BMPR2: variants seen among roughly 807,000 people sequenced by gnomAD.
BMPR2 encodes bone morphogenetic protein receptor type 2, also known as bone morphogenetic protein receptor type-2.
In BMPR2, 29 loss-of-function variants were observed where a neutral mutation model predicts 100.8. The observed-to-expected ratio is 0.29, with a 90% CI of 0.21 to 0.39. The LOEUF (loss-of-function observed/expected upper bound fraction) is 0.39, where lower values mean the gene tolerates loss of function less well. BMPR2 is among the 10% of genes least tolerant of loss of function. The pLI, the probability that BMPR2 is intolerant of heterozygous loss-of-function variation, is 1.00. For synonymous variants in BMPR2, 382 were observed against 442.3 expected (o/e 0.86, Z 1.71); for missense variants, 1,011 against 1,274.5 (o/e 0.79, Z 3.15).
At chr2:202,514,266 A>T (rs1181860365) in intron 4 of BMPR2, among the ~76,000 whole-genome samples, 2 of 152,086 alleles carry the variant, frequency 1.3e-5, no homozygotes, top group Non-Finnish European at 2.9e-5. Context: ...CCTCCTGAGT[A>T]GCTGGGACTA....
chr2:202,534,395 A>C (rs1688086823), intron 9 of BMPR2, among the ~76,000 whole-genome samples: 1 of 151,804 alleles, frequency 6.6e-6, no homozygotes, highest in Non-Finnish European at 1.5e-5. Flanking sequence ...TCCTAGGCAG[A>C]GGACCCTGCG....
intron 7 of BMPR2, 151 bp from the exon 8 acceptor site, chr2:202,530,643 A>G: frequency 1.6e-6 from 1 of 624,412 alleles, no homozygotes; most frequent in South Asian, 2.0e-5. Context: ...GAAAATAGTG[A>G]TGAGTGTGAG....
At chr2:202,471,236 G>A (rs1215204730) in intron 3 of BMPR2, among the ~76,000 whole-genome samples, 2 of 152,172 alleles carry the variant, frequency 1.3e-5, no homozygotes, top group Non-Finnish European at 2.9e-5. Context: ...ATCATGAGTA[G>A]AATGTCAAGT....
intron 4 of BMPR2, 145 bp from the exon 5 acceptor site, chr2:202,514,743 A>G: frequency 1.5e-6 from 1 of 683,186 alleles, no homozygotes. Context: ...TTTAGTAAAT[A>G]GCTTTACTCC....
intron 3 of BMPR2, among the ~76,000 whole-genome samples, chr2:202,474,395 A>G (rs999030147): frequency 2.0e-5 from 3 of 151,900 alleles, no homozygotes; most frequent in African/African-American, 4.8e-5. Context: ...AGTGAAGCGG[A>G]GGTTGCAGTA....
chr2:202,534,629 G>A (rs530892655), intron 9 of BMPR2, among the ~76,000 whole-genome samples: 1 of 152,332 alleles, frequency 6.6e-6, no homozygotes, highest in East Asian at 1.9e-4. Context: ...TCTTAGTACA[G>A]AACAAAATGG....
intron 1 of BMPR2, among the ~76,000 whole-genome samples, chr2:202,418,987 T>C (rs1156335545): frequency 6.6e-6 from 1 of 152,166 alleles, no homozygotes; most frequent in Non-Finnish European, 1.5e-5. Context: ...TTATCTGTCA[T>C]GTGATGTTAT....
intron 10 of BMPR2, among the ~76,000 whole-genome samples, chr2:202,548,544 T>G (rs1160645705): frequency 2.6e-5 from 4 of 152,224 alleles, no homozygotes; most frequent in Non-Finnish European, 4.4e-5. Flanking sequence ...GTGTTTTCTA[T>G]TCTAGTCTAG....
At chr2:202,451,319 C>CTA (rs1378523345) in intron 1 of BMPR2, among the ~76,000 whole-genome samples, 6 of 152,178 alleles carry the variant, frequency 3.9e-5, no homozygotes, top group African/African-American at 1.4e-4. Context: ...TTCCCCTGAA[C>CTA]TATATGTTGT....
chr2:202,385,803 A>C (rs563019517), intron 1 of BMPR2, among the ~76,000 whole-genome samples: 3 of 151,870 alleles, frequency 2.0e-5, no homozygotes, highest in Non-Finnish European at 4.4e-5. Context: ...ATTGTGTGAT[A>C]TTCCATTGAG....
intron 3 of BMPR2, among the ~76,000 whole-genome samples, chr2:202,497,271 C>CAAGCGGTGAGACAATCGCT (rs1255655590): frequency 6.6e-6 from 1 of 152,258 alleles, no homozygotes; most frequent in Non-Finnish European, 1.5e-5. Context: ...GTCCCATTGC[C>CAAGCGGTGAGACAATCGCT]AAGCGGTGAG....
chr2:202,550,266 G>A (rs1688452402), intron 10 of BMPR2, among the ~76,000 whole-genome samples: 1 of 151,382 alleles, frequency 6.6e-6, no homozygotes. Flanking sequence ...CCAGCTACTC[G>A]CGAGGCTGAG....
At position 202,516,825 on chromosome 2, in the gene BMPR2, A is replaced by G. The variant is rs545962273; in HGVS notation, c.621+1846A>G. ...CCAAACATTGCTGAATTAACTATAT[A>G]TTGATATAACCTTTTTAAAGGACAC... is the stretch of plus-strand genomic sequence containing the variant. On this transcript the variant is annotated intron_variant, in intron 5 of 12. Transcript: ENST00000374580. Among the ~76,000 whole-genome samples the G allele has an allele frequency of 7.9e-5, 12 of 152,322 alleles. No homozygotes were observed. In the South Asian group the frequency reaches 2.5e-3, roughly 32 times the overall value.
At chr2:202,444,810 T>C (rs1191833443) in intron 1 of BMPR2, among the ~76,000 whole-genome samples, 2 of 150,816 alleles carry the variant, frequency 1.3e-5, no homozygotes, top group Non-Finnish European at 2.9e-5. Context: ...TTTTTTGAGA[T>C]GGAGTTTCAC....
At position 202,434,919 on chromosome 2, in the gene BMPR2, ATATATATATATATATATT is replaced by A. The variant is rs1225801891; in HGVS notation, c.77-29886_77-29869del. On this transcript the variant is annotated intron_variant, in intron 1 of 12. Coordinates refer to ENST00000374580, the MANE Select transcript of BMPR2 (RefSeq NM_001204.7). ...AAAAAAAAAAAAAAAATATATATAT[ATATATATATATATATATT>A]TATTTATTTATTTACGTCTATAATC... Among the ~76,000 whole-genome samples the A allele has an allele frequency of 8.5e-4, 98 of 114,724 alleles. 2 individuals are homozygous for A. Among genetic ancestry groups the A allele is most frequent in the South Asian group, 1.5e-3 (5 of 3,350 alleles). 75.3% of individuals were successfully genotyped at this position (114,724 alleles called of 152,430 possible).
At chr2:202,492,490 A>C (rs1011266300) in intron 3 of BMPR2, among the ~76,000 whole-genome samples, 12 of 152,170 alleles carry the variant, frequency 7.9e-5, no homozygotes, top group African/African-American at 2.4e-4. Context: ...ACTTGAGACC[A>C]GGAGTTCGAG....
Position 202,560,029 on chromosome 2 carries a change from CT to C in BMPR2, c.*86del, listed in dbSNP as rs1357636023. The C allele has an allele frequency of 1.3e-6, 2 of 1,549,828 alleles. No homozygotes were observed. Among genetic ancestry groups the C allele is most frequent in the Non-Finnish European group, 1.8e-6 (2 of 1,136,918 alleles). ...ATGTTTAAAAATAAAAAAAAAACTG[CT>C]TTATCCTCCTGTCAGCACCCCCTCC... On this transcript the variant is annotated 3_prime_UTR_variant, in exon 13 of 13. Coordinates refer to ENST00000374580, the MANE Select transcript of BMPR2 (RefSeq NM_001204.7).
intron 7 of BMPR2, among the ~76,000 whole-genome samples, chr2:202,527,688 G>A (rs1687942268): frequency 6.6e-6 from 1 of 151,902 alleles, no homozygotes; most frequent in Admixed American, 6.5e-5. Context: ...TCGGGAGGCT[G>A]AGGCAGGAGA....
At position 202,377,078 on chromosome 2, in the gene BMPR2, C is replaced by G. The variant is rs1465991907; in HGVS notation, c.-397C>G. 4 of 533,912 alleles carry G rather than the reference C, an allele frequency of 7.5e-6. No homozygotes were observed. The highest frequency in any genetic ancestry group is 3.9e-5 in the African/African-American group (2 of 51,660). 33.1% of individuals were successfully genotyped at this position (533,912 alleles called of 1,614,324 possible). On this transcript the variant is annotated 5_prime_UTR_variant, in exon 1 of 13. Coordinates refer to ENST00000374580, the MANE Select transcript of BMPR2 (RefSeq NM_001204.7). The stretch of plus-strand genomic sequence containing the variant: ...CTAGTTCTGACCCTCGCCCCCCGAC[C>G]CCGGATCGAATCCCCGCCCTCCGCA...
Sources: gnomAD v4.1 joint callset for allele counts (sites outside exome capture counted in the v4.1 genomes callset) on GRCh38, gnomAD v4.1.1 for gene constraint, MANE v1.5 for transcripts, NCBI Gene and HGNC (gene_info 2026-07-23, HGNC 2026-07-21) for gene names.